The following PIEZO2 variants were observed in gnomAD, a reference collection of about 807,000 sequenced individuals.
The protein encoded by PIEZO2 is piezo-type mechanosensitive ion channel component 2.
Under a neutral mutation model 337.3 loss-of-function variants are expected in PIEZO2, and 172 were observed. The observed-to-expected ratio is 0.51, with a 90% confidence interval of 0.45 to 0.58. PIEZO2 has a LOEUF of 0.58. Among genes scored for constraint, PIEZO2 ranks in the 20% least tolerant of loss-of-function variants. The pLI is 0.00. For missense variants in PIEZO2, 3,028 were observed against 3,391.3 expected, an observed-to-expected ratio of 0.89 and a Z score of 2.66; for synonymous variants, 1,251 against 1,228.5, an observed-to-expected ratio of 1.02 and a Z score of -0.38.
intron 28 of PIEZO2, 112 bp downstream of exon 28, chr18:10,752,524 T>C (rs534244035): frequency 7.9e-7 from 1 of 1,263,074 alleles, no homozygotes; most frequent in East Asian, 2.6e-5. Context: ...AGCATCTTAT[T>C]GGGGCTTTTA....
At chr18:11,050,579 C>A (rs2037487542) in intron 2 of PIEZO2, among the ~76,000 whole-genome samples, 1 of 151,732 alleles carries the variant, frequency 6.6e-6, no homozygotes, top group Admixed American at 6.6e-5. Flanking sequence ...AGGATTAGCA[C>A]AACTTCCTTT....
chr18:11,104,040 T>G lies in PIEZO2; in HGVS notation c.65-37818A>C, dbSNP rs2039492430. ...TTCAAAACACGTGGATCACTGAAAG[T>G]TACTGGTTTTCATGTCTTCATTTCC... On this transcript the variant is annotated intron_variant, in intron 1 of 55. Transcript: ENST00000674853. This position sits in a 1 kb window ranked among gnomAD's most constrained non-coding sequence, Gnocchi z 4.6. Among the ~76,000 whole-genome samples the G allele has an allele frequency of 6.6e-6, 1 of 152,156 alleles. No individual in the cohort carries two copies. Among genetic ancestry groups the G allele is most frequent in the Non-Finnish European group, 1.5e-5 (1 of 68,026 alleles).
rs1293319726 is a variant in PIEZO2, at chr18:10,795,387, TTATTTTATTTTATTTTATTTTATTC to T, written c.1528-410_1528-386del. Among the ~76,000 whole-genome samples, 650 of 20,990 alleles carry T rather than the reference TTATTTTATTTTATTTTATTTTATTC, an allele frequency of 0.031. 9 individuals are homozygous for T. Among genetic ancestry groups the T allele is most frequent in the East Asian group, 0.18 (81 of 458 alleles). The allele number at this position is 20,990 out of a possible 152,430, so 13.8% of individuals were successfully genotyped here. A position where few individuals can be genotyped will look rare whatever the true frequency, so the allele number is the denominator to read the frequency against. On this transcript the variant is annotated intron_variant, in intron 12 of 55. Coordinates refer to ENST00000674853, the MANE Select transcript of PIEZO2 (RefSeq NM_001378183.1). This position sits in a 1 kb window ranked among gnomAD's most constrained non-coding sequence, Gnocchi z 4.4. ...TTATTTTATTTTATTTTATTTTATTTTATTTTATTTTATTTTATTTTATTCAGCTCTATTGCTTTAAAGAAAAGAC... is the reference window on the plus strand; with the variant it reads ...TTATTTTATTTTATTTTATTTTATTTAGCTCTATTGCTTTAAAGAAAAGAC...
intron 7 of PIEZO2, among the ~76,000 whole-genome samples, chr18:10,849,101 T>C (rs549099521): frequency 1.3e-5 from 2 of 152,310 alleles, no homozygotes; most frequent in Non-Finnish European, 2.9e-5. Flanking sequence ...CTGCAATCTC[T>C]GCCTCCTGGA....
At chr18:10,756,224 A>G (rs2037839235) in intron 27 of PIEZO2, among the ~76,000 whole-genome samples, 1 of 150,266 alleles carries the variant, frequency 6.7e-6, no homozygotes, top group Non-Finnish European at 1.5e-5. Flanking sequence ...GATGGGAGAC[A>G]AGGATAAGCT....
chr18:10,863,275 T>A lies in PIEZO2; in HGVS notation c.493-6064A>T, dbSNP rs1254636032. Among the ~76,000 whole-genome samples the A allele has an allele frequency of 2.0e-5, 3 of 152,096 alleles. No homozygotes were observed. In the East Asian group the frequency reaches 5.8e-4, roughly 29 times the overall value. ...AGGGTTCCCTTGTGAAAGGAAGCAG[T>A]GAGGGAAAAAAAGATAGATGTGTTT... On this transcript the variant is annotated intron_variant, in intron 5 of 55. Transcript: ENST00000674853. This position sits in a 1 kb window ranked among gnomAD's most constrained non-coding sequence, Gnocchi z 4.3.
In PIEZO2 at chr18:11,146,276, C is replaced by T. The variant is rs2040808366; in HGVS notation, c.64+2249G>A. ...CTTGTCGCCCCTGGAAGCCGAGCTC[C>T]TCCCAGAAAGTCCAGGATCAAAGTG... is the stretch of plus-strand genomic sequence containing the variant. On this transcript the variant is annotated intron_variant, in intron 1 of 55. Coordinates refer to ENST00000674853, the MANE Select transcript of PIEZO2 (RefSeq NM_001378183.1). The surrounding 1 kb of genome is among the most constrained non-coding windows in gnomAD (Gnocchi z 6.1). Among the ~76,000 whole-genome samples the T allele has an allele frequency of 1.3e-5, 2 of 152,174 alleles. No homozygotes were observed. The highest frequency in any genetic ancestry group is 1.3e-4 in the Admixed American group (2 of 15,286).
rs1432153780 is a variant in PIEZO2 at position 10,795,313 on chromosome 18, AATAT to A, written c.1528-315_1528-312del. On this transcript the variant is annotated intron_variant, in intron 12 of 55. Transcript: ENST00000674853. This position sits in a 1 kb window ranked among gnomAD's most constrained non-coding sequence, Gnocchi z 4.4. ...AGTTAAGTAGCAAAATGTGTATTCA[AATAT>A]TTTATTTTATTTTATTTTATTTTAT... Among the ~76,000 whole-genome samples the A allele has an allele frequency of 4.1e-5, 2 of 48,772 alleles. No homozygotes were observed. The highest frequency in any genetic ancestry group is 5.7e-5 in the African/African-American group (1 of 17,636). 32.0% of individuals were successfully genotyped at this position (48,772 alleles called of 152,430 possible).
rs1426521112 is a variant in PIEZO2, at chr18:10,927,915, A to G, written c.287-16687T>C. 2.0e-5 allele frequency among the ~76,000 whole-genome samples: 3 copies of G among 152,270 alleles called. No individual in the cohort carries two copies. In the East Asian group the frequency reaches 5.8e-4, roughly 29 times the overall value. On this transcript the variant is annotated intron_variant, in intron 3 of 55. Coordinates refer to ENST00000674853, the MANE Select transcript of PIEZO2 (RefSeq NM_001378183.1). ...GATATAAAAACTGCATTTTTAGGGG[A>G]ATAAAATGTGTAGAAAGAGGGCAGG...
intron 3 of PIEZO2, among the ~76,000 whole-genome samples, chr18:10,961,458 G>C (rs2033777172): frequency 6.6e-6 from 1 of 152,168 alleles, no homozygotes. Context: ...ATATGGTGCA[G>C]TGTATACTGC....
At position 11,043,635 on chromosome 18, in the gene PIEZO2, G is replaced by GA. The variant is rs925312732; in HGVS notation, c.160+22491dup. On this transcript the variant is annotated intron_variant, in intron 2 of 55. Transcript: ENST00000674853. ...AAGAAAAGAATCATGAAATCTACTG[G>GA]AAAAAAGTATCCATATTATCCCTAA... is the stretch of plus-strand genomic sequence containing the variant. Among the ~76,000 whole-genome samples the GA allele has an allele frequency of 4.0e-5, 6 of 151,444 alleles. No homozygotes were observed. The East Asian group carries it at 7.7e-4, about 20-fold the overall frequency.
At chr18:10,927,770 TC>T (rs2031836395) in intron 3 of PIEZO2, among the ~76,000 whole-genome samples, 1 of 152,176 alleles carries the variant, frequency 6.6e-6, no homozygotes, top group South Asian at 2.1e-4. Flanking sequence ...TTTTCAGTAG[TC>T]CAGCTCAAAG....
rs139923049 is a variant in PIEZO2, at chr18:10,714,130, C to A, written c.5423+634G>T. On this transcript the variant is annotated intron_variant, in intron 39 of 55. Coordinates refer to ENST00000674853, the MANE Select transcript of PIEZO2 (RefSeq NM_001378183.1). ...TTCTTAATCTCCCTGTAACCGAATTCTGTCTTTGCAAAACAGGGATAATAA... is the reference window on the plus strand; with the variant it reads ...TTCTTAATCTCCCTGTAACCGAATTATGTCTTTGCAAAACAGGGATAATAA... 2.2e-4 allele frequency among the ~76,000 whole-genome samples: 33 copies of A among 152,154 alleles called. No individual in the cohort carries two copies. The East Asian group carries it at 6.0e-3, about 28-fold the overall frequency.
At chr18:10,941,953 G>A (rs1014991343) in intron 3 of PIEZO2, among the ~76,000 whole-genome samples, 1 of 152,128 alleles carries the variant, frequency 6.6e-6, no homozygotes, top group African/African-American at 2.4e-5. Context: ...TCATGATAGT[G>A]AAGGGGTCTC....
intron 1 of PIEZO2, among the ~76,000 whole-genome samples, chr18:11,106,327 T>C (rs1260155184): frequency 2.0e-5 from 3 of 150,804 alleles, no homozygotes; most frequent in Non-Finnish European, 4.4e-5. Flanking sequence ...CTCGATCTCC[T>C]GACCTCGTGA....
chr18:11,127,803 ATGTGTGTG>A lies in PIEZO2; in HGVS notation c.64+20714_64+20721del, dbSNP rs34849868. Among the ~76,000 whole-genome samples, 7 of 146,756 alleles carry A rather than the reference ATGTGTGTG, an allele frequency of 4.8e-5. No homozygotes were observed. The highest frequency in any genetic ancestry group is 1.0e-4 in the Non-Finnish European group (7 of 67,050). On this transcript the variant is annotated intron_variant, in intron 1 of 55. Coordinates refer to ENST00000674853, the MANE Select transcript of PIEZO2 (RefSeq NM_001378183.1). This position sits in a 1 kb window ranked among gnomAD's most constrained non-coding sequence, Gnocchi z 4.5. ...TGCATATACGTGTGTGTGTGTGTGC[ATGTGTGTG>A]TGTGTGTGTGTGTGTATCCTATTAG... is the stretch of plus-strand genomic sequence containing the variant.
At chr18:11,006,372 G>A (rs1162386015) in intron 2 of PIEZO2, among the ~76,000 whole-genome samples, 3 of 152,146 alleles carry the variant, frequency 2.0e-5, no homozygotes, top group South Asian at 2.1e-4. Flanking sequence ...AAATATATCA[G>A]GTGAAGCTCA....
At chr18:10,810,679 T>G (rs1353341799) in intron 7 of PIEZO2, among the ~76,000 whole-genome samples, 1 of 152,196 alleles carries the variant, frequency 6.6e-6, no homozygotes, top group Non-Finnish European at 1.5e-5. Flanking sequence ...GTGTTGCTAT[T>G]CCTCGTTTTA....
At chr18:10,848,224 T>G (rs2041424455) in intron 7 of PIEZO2, among the ~76,000 whole-genome samples, 1 of 152,228 alleles carries the variant, frequency 6.6e-6, no homozygotes, top group African/African-American at 2.4e-5. Flanking sequence ...CACTGGCTTC[T>G]CCAAACTAGA....
Sources: gnomAD v4.1 joint callset for allele counts (sites outside exome capture counted in the v4.1 genomes callset) on GRCh38, gnomAD v4.1.1 for gene constraint, Gnocchi (gnomAD v3.1) non-coding constraint, MANE v1.5 for transcripts, NCBI Gene and HGNC (gene_info 2026-07-23, HGNC 2026-07-21) for gene names.